The following SFXN4 variants were observed in gnomAD, a reference collection of about 807,000 sequenced individuals.
SFXN4 encodes sideroflexin 4, also known as sideroflexin-4.
In SFXN4, 48 loss-of-function variants were observed where a neutral mutation model predicts 54.6. The ratio of observed to expected loss-of-function variants is 0.88; its 90% CI spans 0.70 to 1.12. SFXN4 has a LOEUF of 1.12. SFXN4 is among the 50% of genes most tolerant of loss of function. The probability of loss-of-function intolerance (pLI) is 0.00; values close to 1 mark genes in which losing one functional copy is unlikely to be tolerated. For synonymous variants in SFXN4, 130 were observed against 145.5 expected (o/e 0.89, Z 0.77); for missense variants, 383 against 409.2 (o/e 0.94, Z 0.55).
chr10:119,158,694 C>A (rs929065353), intron 6 of SFXN4, among the ~76,000 whole-genome samples: 1 of 150,326 alleles, frequency 6.7e-6, no homozygotes, highest in East Asian at 2.0e-4. Context: ...TGGACAAGTA[C>A]CTCCTAGGCT....
Position 119,156,758 on chromosome 10 carries a change from T to C in SFXN4, c.538-2A>G, listed in dbSNP as rs754100053. 3 of 1,603,458 alleles carry C rather than the reference T, an allele frequency of 1.9e-6. No homozygotes were observed. The highest frequency in any genetic ancestry group is 2.6e-6 in the Non-Finnish European group (3 of 1,173,142). On this transcript the variant is annotated splice_acceptor_variant, in intron 9 of 13. Coordinates refer to ENST00000355697, the MANE Select transcript of SFXN4 (RefSeq NM_213649.2). LOFTEE classifies it high-confidence loss of function. ...CATCTGGACAAACTGAGGGATTACC[T>C]AGAAAAGAAGAGAGAAAAATCATTA...
intron 11 of SFXN4, among the ~76,000 whole-genome samples, chr10:119,153,598 T>C (rs1238778817): frequency 6.6e-6 from 1 of 152,096 alleles, no homozygotes; most frequent in Non-Finnish European, 1.5e-5. Flanking sequence ...AAGCAGGGGC[T>C]CTTTTAACCC....
chr10:119,151,840 G>T (rs1348377040), intron 11 of SFXN4, among the ~76,000 whole-genome samples: 2 of 150,768 alleles, frequency 1.3e-5, no homozygotes, highest in Non-Finnish European at 3.0e-5. Context: ...TTGAGACAAG[G>T]GTCTCTTTCT....
intron 6 of SFXN4, among the ~76,000 whole-genome samples, chr10:119,158,473 G>A (rs913826283): frequency 2.8e-4 from 42 of 151,606 alleles, no homozygotes; most frequent in African/African-American, 9.5e-4. Flanking sequence ...GAAATTAGCC[G>A]GGTGTGGTGG....
chr10:119,165,290 C>A, intron 1 of SFXN4: 2 of 1,230,730 alleles, frequency 1.6e-6, no homozygotes, highest in Middle Eastern at 4.4e-4. Context: ...CTGGGCCCCT[C>A]CGAGAGGGCA....
intron 13 of SFXN4, among the ~76,000 whole-genome samples, chr10:119,144,798 A>T (rs1846718259): frequency 6.6e-6 from 1 of 152,200 alleles, no homozygotes; most frequent in African/African-American, 2.4e-5. Flanking sequence ...AATTTAACTT[A>T]ATTTACAATT....
chr10:119,161,027 TA>T (rs747235232), intron 4 of SFXN4, 27 bp downstream of exon 4: 2 of 1,614,084 alleles, frequency 1.2e-6, no homozygotes, highest in Non-Finnish European at 1.7e-6. Flanking sequence ...TATAGGACAC[TA>T]AAAATTAGGA....
At chr10:119,160,667 G>T (rs1847491969) in intron 5 of SFXN4, among the ~76,000 whole-genome samples, 1 of 142,442 alleles carries the variant, frequency 7.0e-6, no homozygotes, top group Non-Finnish European at 1.5e-5. Flanking sequence ...TCAGCTCACT[G>T]CAACCTCCGG....
chr10:119,162,457 G>A (rs1175185577), intron 2 of SFXN4, 43 bp from the exon 3 acceptor site: 16 of 1,526,886 alleles, frequency 1.0e-5, no homozygotes, highest in Non-Finnish European at 1.5e-5. Context: ...TCTCAACATT[G>A]TTCAGGTTTA....
chr10:119,162,970 T>C (rs1441031503), intron 2 of SFXN4, among the ~76,000 whole-genome samples: 1 of 152,130 alleles, frequency 6.6e-6, no homozygotes, highest in East Asian at 1.9e-4. Flanking sequence ...TAACTTTCTA[T>C]TTTTATTTGT....
rs144820830 is a variant in SFXN4, at chr10:119,157,532, A to G, written c.537+136T>C. ...TAACATGATTATTTTGGGATAATAC[A>G]ATTACAGGTGACTTTTATTTCCTAG... On this transcript the variant is annotated intron_variant, in intron 9 of 13. Transcript: ENST00000355697. The G allele has an allele frequency of 2.5e-3, 1,646 of 667,080 alleles. 22 individuals are homozygous for G. In the African/African-American group the frequency reaches 0.025, roughly 10 times the overall value. 41.3% of individuals were successfully genotyped at this position (667,080 alleles called of 1,614,324 possible). A position where few individuals can be genotyped will look rare whatever the true frequency, so the allele number is the denominator to read the frequency against.
At chr10:119,149,349 C>T (rs1056879657) in intron 11 of SFXN4, among the ~76,000 whole-genome samples, 6 of 152,216 alleles carry the variant, frequency 3.9e-5, no homozygotes, top group Non-Finnish European at 8.8e-5. Context: ...TCTCTGCTTG[C>T]ACCTCTGCCC....
rs56031432 is a variant in SFXN4, at chr10:119,146,428, CGTGTGT to C, written c.819-81_819-76del. 0.051 allele frequency: 27,577 copies of C among 545,960 alleles called. 109 individuals are homozygous for C. Among genetic ancestry groups the C allele is most frequent in the East Asian group, 0.12 (3,387 of 29,142 alleles). 33.8% of individuals were successfully genotyped at this position (545,960 alleles called of 1,614,324 possible). On this transcript the variant is annotated intron_variant, in intron 12 of 13. Coordinates refer to ENST00000355697, the MANE Select transcript of SFXN4 (RefSeq NM_213649.2). Reference sequence around the variant, plus strand: ...TATTTTCTGAACAGCTGAATCAGGGCGTGTGTGTGTGTGTGTGTGTGTGTGTGTGTG... The same window carrying C: ...TATTTTCTGAACAGCTGAATCAGGGCGTGTGTGTGTGTGTGTGTGTGTGTG...
intron 1 of SFXN4, chr10:119,165,277 G>A: frequency 1.7e-6 from 2 of 1,195,988 alleles, no homozygotes; most frequent in African/African-American, 1.6e-5. Context: ...CCACCTGCGC[G>A]GACTGGGCCC....
At chr10:119,153,782 C>T (rs1847168683) in intron 11 of SFXN4, among the ~76,000 whole-genome samples, 1 of 152,186 alleles carries the variant, frequency 6.6e-6, no homozygotes, top group African/African-American at 2.4e-5. Flanking sequence ...CACGGGTCAC[C>T]ATGGCAACAG....
chr10:119,157,705 A>G lies in SFXN4; in HGVS notation c.500T>C (p.Leu167Pro). ...YTCKPLERSL[L>P]MAGAVASSTF... ...TGAAGAAGCAACGGCTCCCGCCATT[A>G]GTAATGATCTTTCTAGTGGCTTACA... Residue 167 changes from leucine (L) to proline (P), a missense_variant, in exon 9 of 14, where the codon CTA becomes CCA. Leu to Pro is a moderately conservative substitution (Grantham distance 98). Coordinates refer to ENST00000355697, the MANE Select transcript of SFXN4 (RefSeq NM_213649.2). 6.2e-7 allele frequency: 1 copy of G among 1,608,836 alleles called. No homozygotes were observed. Among genetic ancestry groups the G allele is most frequent in the Non-Finnish European group, 8.5e-7 (1 of 1,178,100 alleles).
intron 11 of SFXN4, among the ~76,000 whole-genome samples, chr10:119,152,743 T>G (rs1760765251): frequency 6.6e-6 from 1 of 152,068 alleles, no homozygotes; most frequent in African/African-American, 2.4e-5. Context: ...GGATTTAAAG[T>G]AATATGTTTG....
At chr10:119,142,920 G>T (rs1846608173) in intron 13 of SFXN4, among the ~76,000 whole-genome samples, 1 of 151,246 alleles carries the variant, frequency 6.6e-6, no homozygotes, top group African/African-American at 2.4e-5. Flanking sequence ...TTTTAGTAGA[G>T]ACGGGGTTTC....
intron 11 of SFXN4, among the ~76,000 whole-genome samples, chr10:119,153,539 AAAG>A (rs1301421785): frequency 3.2e-4 from 49 of 152,344 alleles, no homozygotes; most frequent in African/African-American, 1.1e-3. Flanking sequence ...ATTCTTGACA[AAAG>A]TAGTCCTTAG....
Sources: gnomAD v4.1 joint callset for allele counts (sites outside exome capture counted in the v4.1 genomes callset) on GRCh38, gnomAD v4.1.1 for gene constraint, MANE v1.5 for transcripts, NCBI Gene and HGNC (gene_info 2026-07-23, HGNC 2026-07-21) for gene names.